CACTIN: variants seen among roughly 807,000 people sequenced by gnomAD.
CACTIN encodes splicing factor Cactin.
A neutral mutation model predicts 84.9 loss-of-function variants in CACTIN; 20 were observed. That is an observed-to-expected ratio of 0.24 (90% CI 0.17 to 0.34). The LOEUF is 0.34. CACTIN is among the 10% of genes least tolerant of loss of function. The pLI is 1.00. For missense variants in CACTIN, 897 were observed against 1,117.2 expected, an observed-to-expected ratio of 0.80 and a Z score of 2.81; for synonymous variants, 549 against 467.9, an observed-to-expected ratio of 1.17 and a Z score of -2.24.
At chr19:3,624,239 G>A in intron 1 of CACTIN, 77 bp from the exon 2 acceptor site, 5 of 1,307,270 alleles carry the variant, frequency 3.8e-6, no homozygotes, top group South Asian at 2.8e-5. Context: ...GGGTGCCCGT[G>A]GGGGAGCAGG....
At chr19:3,614,021 G>C (rs1213010902) in intron 7 of CACTIN, 4 of 454,084 alleles carry the variant, frequency 8.8e-6, no homozygotes, top group Non-Finnish European at 1.6e-5. Context: ...GCGCTGGGAG[G>C]GCGCAGGCCT....
chr19:3,620,865 CCTT>C lies in CACTIN; in HGVS notation c.643-66_643-64del, dbSNP rs745400285. ...CGCCCCCTCGCCCCCCTCCTCAGCT[CCTT>C]CGTCCAAGAGATTGACCAGGGCCCT... On this transcript the variant is annotated intron_variant, in intron 2 of 9. Coordinates refer to ENST00000429344, the MANE Select transcript of CACTIN (RefSeq NM_001080543.2). 6.7e-6 allele frequency: 9 copies of C among 1,337,798 alleles called. No individual in the cohort carries two copies. In the Admixed American group the frequency reaches 1.1e-4, roughly 16 times the overall value. The allele number at this position is 1,337,798 out of a possible 1,614,324, so 82.9% of individuals were successfully genotyped here. A position where few individuals can be genotyped will look rare whatever the true frequency, so the allele number is the denominator to read the frequency against.
intron 9 of CACTIN, among the ~76,000 whole-genome samples, 183 bp from the exon 10 acceptor site, chr19:3,612,596 G>C (rs927589483): frequency 6.6e-6 from 1 of 152,150 alleles, no homozygotes; most frequent in Non-Finnish European, 1.5e-5. Context: ...CATCCGCCCC[G>C]AGCCCCGGAC....
rs1195836955 is a variant in CACTIN at position 3,620,370 on chromosome 19, G to A, written c.739-98C>T. On this transcript the variant is annotated intron_variant, in intron 3 of 9. Transcript: ENST00000429344. ...ATGGGGGCCCAGCCTTCACCCAGCT[G>A]CCCTGGGCACAGGGATTGGTCCGGA... The A allele has an allele frequency of 7.4e-6, 10 of 1,344,124 alleles. No homozygotes were observed. In the African/African-American group the frequency reaches 1.4e-4, roughly 19 times the overall value. The allele number at this position is 1,344,124 out of a possible 1,614,324, so 83.3% of individuals were successfully genotyped here. A position where few individuals can be genotyped will look rare whatever the true frequency, so the allele number is the denominator to read the frequency against.
intron 9 of CACTIN, 84 bp downstream of exon 9, chr19:3,612,974 T>C (rs2033002315): frequency 1.2e-5 from 18 of 1,477,106 alleles, no homozygotes; most frequent in Non-Finnish European, 1.6e-5. Context: ...CGCCAGCGGC[T>C]TCGGCCGGGA....
chr19:3,612,343 C>T lies in CACTIN; in HGVS notation c.1857G>A (p.Ala619=), dbSNP rs45525640. ...RAKEGMGQDE[A]QFSVEMPLTG... The stretch of plus-strand genomic sequence containing the variant: ...TGAGTGGCATCTCCACGCTGAACTG[C>T]GCCTCGTCCTGGCCCATGCCCTCCT... The change falls in exon 10 of 10, where the codon GCG becomes GCA. Residue 619 remains alanine (A), a synonymous_variant. Transcript: ENST00000429344. 0.022 allele frequency: 35,013 copies of T among 1,611,414 alleles called. 497 individuals are homozygous for T. Among genetic ancestry groups the T allele is most frequent in the Non-Finnish European group, 0.027 (32,092 of 1,179,786 alleles).
intron 2 of CACTIN, among the ~76,000 whole-genome samples, chr19:3,622,642 C>T (rs1175736311): frequency 5.9e-5 from 9 of 152,220 alleles, no homozygotes; most frequent in East Asian, 1.9e-4. Context: ...GGCCTCCCCT[C>T]GGCCCCCAGA....
intron 9 of CACTIN, 199 bp downstream of exon 9, chr19:3,612,859 G>A (rs866513216): frequency 4.6e-5 from 35 of 762,786 alleles, no homozygotes; most frequent in African/African-American, 2.7e-4. Flanking sequence ...AAGGCCAGTG[G>A]GCCAGCAAGC....
chr19:3,614,499 A>G lies in CACTIN; in HGVS notation c.1253T>C (p.Phe418Ser). The G allele has an allele frequency of 6.2e-7, 1 of 1,606,184 alleles. No homozygotes were observed. Among genetic ancestry groups the G allele is most frequent in the Non-Finnish European group, 8.5e-7 (1 of 1,176,452 alleles). Residue 418 changes from phenylalanine (F) to serine (S), a missense_variant, in exon 7 of 10, where the codon TTC becomes TCC. This residue lies in a region of CACTIN where 304 missense variants were observed against 444.3 expected (regional missense o/e 0.68). Transcript: ENST00000429344. ...GKTYNQLQVI[F>S]QGIEGKIRAG... Reference sequence around the variant, plus strand: ...GCGGATTTTGCCCTCGATGCCCTGGAAGATGACCTGCAGCTGGTTGTATGT... The same window carrying G: ...GCGGATTTTGCCCTCGATGCCCTGGGAGATGACCTGCAGCTGGTTGTATGT...
At position 3,626,590 on chromosome 19, in the gene CACTIN, C is replaced by A. The variant is rs749827680; in HGVS notation, c.167+6G>T. The A allele has an allele frequency of 3.4e-6, 5 of 1,451,080 alleles. No homozygotes were observed. Among genetic ancestry groups the A allele is most frequent in the Non-Finnish European group, 4.5e-6 (5 of 1,105,142 alleles). 89.9% of individuals were successfully genotyped at this position (1,451,080 alleles called of 1,614,324 possible). A position where few individuals can be genotyped will look rare whatever the true frequency, so the allele number is the denominator to read the frequency against. ...ATCCCCAGCGCTGCTCCCGCAGCGA[C>A]CCCACCTGCGCTCCCGGCTCCGCCG... On this transcript the variant is annotated splice_donor_region_variant and intron_variant, in intron 1 of 9. Coordinates refer to ENST00000429344, the MANE Select transcript of CACTIN (RefSeq NM_001080543.2).
chr19:3,614,424 T>G lies in CACTIN; in HGVS notation c.1328A>C (p.Gln443Pro). The G allele has an allele frequency of 6.3e-7, 1 of 1,589,316 alleles. No individual in the cohort carries two copies. Residue 443 changes from glutamine to proline, a missense_variant, in exon 7 of 10, where the codon CAG becomes CCG. By Grantham distance (76) the Gln-to-Pro change is moderately conservative. Around this residue, in one of 8 missense-constraint regions of CACTIN, gnomAD observed 304 missense variants for 444.3 expected, o/e 0.68. Coordinates refer to ENST00000429344, the MANE Select transcript of CACTIN (RefSeq NM_001080543.2). ...GGCCCGTGCCATGTGGGCACGAAGC[T>G]GCTGCAGGAGGCTCTCCCAGTAGCC... Reference protein sequence around the residue: ...DMGYWESLLQQLRAHMARARL... With the variant: ...DMGYWESLLQPLRAHMARARL...
chr19:3,616,629 A>G (rs1244398452), intron 6 of CACTIN: 1 of 152,078 alleles, frequency 6.6e-6, no homozygotes, highest in Non-Finnish European at 1.5e-5. Flanking sequence ...AAACTTATTC[A>G]TGTAACCAAA....
At chr19:3,619,938 G>A (rs967406849) in intron 4 of CACTIN, among the ~76,000 whole-genome samples, 189 bp downstream of exon 4, 2 of 152,160 alleles carry the variant, frequency 1.3e-5, no homozygotes, top group Admixed American at 1.3e-4. Flanking sequence ...CGTCTCCTCT[G>A]CACCCTGCCC....
At chr19:3,619,323 C>A in intron 4 of CACTIN, 81 bp from the exon 5 acceptor site, 1 of 1,498,086 alleles carries the variant, frequency 6.7e-7, no homozygotes, top group Non-Finnish European at 9.0e-7. Context: ...GGTGACCACA[C>A]CAGTGGGAGC....
chr19:3,620,941 C>G (rs561975426), intron 2 of CACTIN, 139 bp from the exon 3 acceptor site: 27 of 718,412 alleles, frequency 3.8e-5, no homozygotes, highest in Admixed American at 1.4e-4. Flanking sequence ...TCTTCCACCC[C>G]CTCCTTAACA....
rs2033341374 is a variant in CACTIN, at chr19:3,626,607, G to A, written c.156C>T (p.Ser52=). The part of the protein sequence containing the change: ...DEGRRRRRRR[S]RERRSDSEEE... The stretch of plus-strand genomic sequence containing the variant: ...CGCAGCGACCCCACCTGCGCTCCCG[G>A]CTCCGCCGCCTCCGTCTGCGCCGTC... The change falls in exon 1 of 10, where the codon AGC becomes AGT. Residue 52 remains serine (S), a synonymous_variant. Coordinates refer to ENST00000429344, the MANE Select transcript of CACTIN (RefSeq NM_001080543.2). 5.4e-6 allele frequency: 8 copies of A among 1,486,592 alleles called. No individual in the cohort carries two copies. The African/African-American group carries it at 5.8e-5, about 11-fold the overall frequency. The allele number at this position is 1,486,592 out of a possible 1,614,324, so 92.1% of individuals were successfully genotyped here.
chr19:3,613,605 G>T lies in CACTIN; in HGVS notation c.1356-19C>A, dbSNP rs1426510634. On this transcript the variant is annotated intron_variant, in intron 7 of 9. Transcript: ENST00000429344. ...ACGCAGCCTGGGACGCAGAGCCGGG[G>T]TCACCCGCATGGAGGCGAAGGGGCT... 4.4e-6 allele frequency: 7 copies of T among 1,591,916 alleles called. No homozygotes were observed. The highest frequency in any genetic ancestry group is 6.0e-6 in the Non-Finnish European group (7 of 1,176,012).
chr19:3,611,973 C>A lies in CACTIN; in HGVS notation c.2227G>T (p.Gly743Cys). Residue 743 changes from glycine (G) to cysteine (C), a missense_variant, in exon 10 of 10, where the codon GGC becomes TGC. Physicochemically the swap from Gly to Cys is radical, Grantham distance 159 (BLOSUM62 -3). This residue lies in a region of CACTIN where 21 missense variants were observed against 61.8 expected (regional missense o/e 0.34). Coordinates refer to ENST00000429344, the MANE Select transcript of CACTIN (RefSeq NM_001080543.2). ...RHGFRCQFAN[G>C]IFQLWFHFKR... ...AAGTGAAACCACAGCTGGAAGATGCCGTTGGCAAACTGGCAGCGGAAGCCG... is the reference window on the plus strand; with the variant it reads ...AAGTGAAACCACAGCTGGAAGATGCAGTTGGCAAACTGGCAGCGGAAGCCG... 1.2e-6 allele frequency: 2 copies of A among 1,613,694 alleles called. No homozygotes were observed. The highest frequency in any genetic ancestry group is 2.2e-5 in the South Asian group (2 of 91,084).
chr19:3,618,064 C>T (rs1046839491), intron 6 of CACTIN, among the ~76,000 whole-genome samples: 5 of 151,876 alleles, frequency 3.3e-5, no homozygotes, highest in Non-Finnish European at 5.9e-5. Flanking sequence ...GGGGAAGGAC[C>T]GGGTCTATCG....
Sources: allele counts gnomAD v4.1 joint callset (sites outside exome capture counted in the v4.1 genomes callset), GRCh38; gene constraint gnomAD v4.1.1; regional missense constraint gnomAD v4.1.1; transcripts MANE v1.5; gene names NCBI Gene and HGNC (gene_info 2026-07-23, HGNC 2026-07-21).